TENM3: variants seen among roughly 807,000 people sequenced by gnomAD.
TENM3 encodes the protein teneurin-3.
Under a neutral mutation model 255.1 loss-of-function variants are expected in TENM3, and 63 were observed. The observed-to-expected ratio is 0.25, with a 90% CI of 0.20 to 0.30. The LOEUF is 0.30. Ranked by LOEUF, TENM3 falls within the 10% of genes least tolerant of loss-of-function variation. The pLI is 1.00. For missense variants in TENM3, 2,929 were observed against 3,461.1 expected, an observed-to-expected ratio of 0.85 and a Z score of 3.86; for synonymous variants, 1,306 against 1,322.3, an observed-to-expected ratio of 0.99 and a Z score of 0.27.
intron 3 of TENM3, among the ~76,000 whole-genome samples, chr4:182,566,626 G>A: frequency 6.6e-6 from 1 of 152,174 alleles, no homozygotes; most frequent in East Asian, 1.9e-4. Flanking sequence ...TTGGCCAACA[G>A]CAGCTATCCA....
chr4:181,668,870 A>G, the TENM3 span, among the ~76,000 whole-genome samples: 1 of 152,172 alleles, frequency 6.6e-6, no homozygotes, highest in Non-Finnish European at 1.5e-5. Context: ...GTCAACTTTC[A>G]TAATATCAGA....
chr4:182,021,928 A>C, the TENM3 span, among the ~76,000 whole-genome samples: 1 of 152,226 alleles, frequency 6.6e-6, no homozygotes, highest in Admixed American at 6.5e-5. Context: ...AGGAATCCTT[A>C]TACATTGTTA....
chr4:182,554,153 A>G (rs13138350), intron 3 of TENM3, among the ~76,000 whole-genome samples: 19,868 of 152,114 alleles, frequency 0.13, 1,484 homozygotes, highest in East Asian at 0.25. Flanking sequence ...AAATATAACA[A>G]AGGCTTTCTG....
the TENM3 span, chr4:181,980,024 A>T: frequency 9.2e-5 from 14 of 152,366 alleles, no homozygotes; most frequent in Admixed American, 4.6e-4. Context: ...CTCTTTTGGA[A>T]GAAGTTGCCT....
intron 1 of TENM3, among the ~76,000 whole-genome samples, chr4:182,236,929 C>T (rs1756932807): frequency 6.6e-6 from 1 of 152,154 alleles, no homozygotes; most frequent in Non-Finnish European, 1.5e-5. Context: ...TTTGCTGCAC[C>T]TATCAAGCCA....
intron 5 of TENM3, among the ~76,000 whole-genome samples, chr4:182,632,048 C>A (rs752467780): frequency 6.6e-6 from 1 of 152,096 alleles, no homozygotes; most frequent in Non-Finnish European, 1.5e-5. Flanking sequence ...ATTGTAATCC[C>A]ACAGTGCATG....
chr4:182,240,337 C>T (rs776393323), upstream of TENM3, among the ~76,000 whole-genome samples: 24 of 152,272 alleles, frequency 1.6e-4, no homozygotes, highest in Non-Finnish European at 2.9e-4. Flanking sequence ...GAGAGAGACA[C>T]GTTCCTACGA....
chr4:182,147,047 A>G (rs1395921109), intron 1 of TENM3, among the ~76,000 whole-genome samples: 1 of 152,196 alleles, frequency 6.6e-6, no homozygotes, highest in Non-Finnish European at 1.5e-5. Flanking sequence ...GCTCCTAAAG[A>G]GAGTGAAAAC....
At chr4:181,684,572 C>G in the TENM3 span, among the ~76,000 whole-genome samples, 27 of 152,310 alleles carry the variant, frequency 1.8e-4, no homozygotes, top group African/African-American at 6.0e-4. Context: ...AAAATACACA[C>G]TGTGCATCAA....
chr4:182,273,581 A>T (rs2150230448), intron 1 of TENM3, among the ~76,000 whole-genome samples: 1 of 152,324 alleles, frequency 6.6e-6, no homozygotes, highest in Middle Eastern at 3.4e-3. Flanking sequence ...GGAAGCTCTC[A>T]TTGATTGTAC....
the TENM3 span, among the ~76,000 whole-genome samples, chr4:181,647,792 G>A: frequency 6.6e-6 from 1 of 152,128 alleles, no homozygotes; most frequent in East Asian, 1.9e-4. Flanking sequence ...TCTTGGTAGC[G>A]AAGAAACACG....
At chr4:182,587,070 TATAAA>T (rs1746094810) in intron 3 of TENM3, among the ~76,000 whole-genome samples, 1 of 149,818 alleles carries the variant, frequency 6.7e-6, no homozygotes, top group Non-Finnish European at 1.5e-5. Context: ...TCATAACTTT[TATAAA>T]ACAGATCAGT....
At chr4:181,571,148 A>C in the TENM3 span, among the ~76,000 whole-genome samples, 1 of 152,138 alleles carries the variant, frequency 6.6e-6, no homozygotes, top group Non-Finnish European at 1.5e-5. Flanking sequence ...TGTGTTCGCC[A>C]CTGTGGGATA....
intron 3 of TENM3, among the ~76,000 whole-genome samples, chr4:182,394,320 C>A (rs1768648404): frequency 6.6e-6 from 1 of 152,110 alleles, no homozygotes; most frequent in Non-Finnish European, 1.5e-5. Flanking sequence ...TTCCTGCCCC[C>A]CACCTATGAA....
At chr4:182,385,575 C>T (rs1435532270) in intron 3 of TENM3, among the ~76,000 whole-genome samples, 1 of 152,024 alleles carries the variant, frequency 6.6e-6, no homozygotes, top group Non-Finnish European at 1.5e-5. Flanking sequence ...AGTGCATCTT[C>T]TAAAGATAAG....
intron 1 of TENM3, among the ~76,000 whole-genome samples, chr4:182,175,689 G>C (rs1198767784): frequency 6.6e-6 from 1 of 152,176 alleles, no homozygotes; most frequent in Non-Finnish European, 1.5e-5. Flanking sequence ...GATTGCCACT[G>C]TAAGGCTTAG....
At chr4:182,577,980 A>G (rs972474846) in intron 3 of TENM3, among the ~76,000 whole-genome samples, 1 of 151,446 alleles carries the variant, frequency 6.6e-6, no homozygotes, top group Non-Finnish European at 1.5e-5. Flanking sequence ...GACCCAATTT[A>G]ATTTTTTTTT....
intron 1 of TENM3, among the ~76,000 whole-genome samples, chr4:182,221,358 T>A (rs1460148856): frequency 6.6e-6 from 1 of 152,178 alleles, no homozygotes; most frequent in South Asian, 2.1e-4. Context: ...TTATTGAAAC[T>A]GAGCCTTAGA....
chr4:181,663,819 A>G, the TENM3 span, among the ~76,000 whole-genome samples: 1 of 152,120 alleles, frequency 6.6e-6, no homozygotes, highest in South Asian at 2.1e-4. Context: ...CTCAGCTTCC[A>G]GTGTGTGATT....
Sources: gnomAD v4.1 joint callset for allele counts (sites outside exome capture counted in the v4.1 genomes callset) on GRCh38, gnomAD v4.1.1 for gene constraint, MANE v1.5 for transcripts, NCBI Gene and HGNC (gene_info 2026-07-23, HGNC 2026-07-21) for gene names.